Variants in FERRY3 observed in about 807,000 individuals in gnomAD.
The protein encoded by FERRY3 is FERRY endosomal RAB5 effector complex subunit 3.
chr12:4,506,798 A>G, the FERRY3 span, among the ~76,000 whole-genome samples: 2 of 152,304 alleles, frequency 1.3e-5, no homozygotes, highest in East Asian at 3.9e-4. Flanking sequence ...AGATGTTAAT[A>G]TAACAACCAT....
At chr12:4,529,410 C>T in the FERRY3 span, among the ~76,000 whole-genome samples, 1 of 152,132 alleles carries the variant, frequency 6.6e-6, no homozygotes, top group Non-Finnish European at 1.5e-5. Flanking sequence ...CAGAATGGTA[C>T]AGTGGTTAAC....
At chr12:4,514,361 A>G in the FERRY3 span, among the ~76,000 whole-genome samples, 8 of 151,964 alleles carry the variant, frequency 5.3e-5, no homozygotes, top group Non-Finnish European at 1.0e-4. Context: ...TCTAGAACTT[A>G]GAAATACCAT....
the FERRY3 span, chr12:4,518,269 A>T: frequency 6.2e-7 from 1 of 1,611,580 alleles, no homozygotes; most frequent in Non-Finnish European, 8.5e-7. Context: ...GGGGTAGGCA[A>T]TAGTCCAGGA....
chr12:4,519,153 A>G, the FERRY3 span, among the ~76,000 whole-genome samples: 1 of 152,222 alleles, frequency 6.6e-6, no homozygotes, highest in African/African-American at 2.4e-5. The surrounding 1 kb of genome is among the most constrained non-coding windows in gnomAD (Gnocchi z 4.3). Context: ...CACTTTTAGC[A>G]GCCTAAGAGA....
At chr12:4,507,378 T>C in the FERRY3 span, among the ~76,000 whole-genome samples, 5 of 152,190 alleles carry the variant, frequency 3.3e-5, no homozygotes, top group African/African-American at 1.2e-4. Flanking sequence ...AGGGATTTTC[T>C]AATACTCAGC....
At chr12:4,528,896 T>TAC in the FERRY3 span, among the ~76,000 whole-genome samples, 11,889 of 131,360 alleles carry the variant, frequency 0.091, 481 homozygotes, top group African/African-American at 0.16. Context: ...TTAAATCAGT[T>TAC]ACACACACAC....
the FERRY3 span, chr12:4,536,075 G>A: frequency 1.2e-6 from 2 of 1,608,624 alleles, no homozygotes; most frequent in Admixed American, 1.7e-5. Flanking sequence ...GCAAATGACT[G>A]GCATTCTCTT....
the FERRY3 span, chr12:4,525,231 T>C: frequency 6.2e-7 from 1 of 1,608,142 alleles, no homozygotes. Context: ...ACTATATGAA[T>C]AAGAACAATA....
the FERRY3 span, chr12:4,535,966 A>T: frequency 7.3e-7 from 1 of 1,377,898 alleles, no homozygotes; most frequent in South Asian, 1.7e-5. This position sits in a 1 kb window ranked among gnomAD's most constrained non-coding sequence, Gnocchi z 4.0. Flanking sequence ...CCAATGACAG[A>T]CTATTGAAAC....
the FERRY3 span, among the ~76,000 whole-genome samples, chr12:4,504,057 G>A: frequency 1.3e-5 from 2 of 152,218 alleles, no homozygotes; most frequent in African/African-American, 4.8e-5. Flanking sequence ...AGCATGTGGT[G>A]ATGCTAACAT....
At chr12:4,530,055 A>G in the FERRY3 span, 2 of 1,605,312 alleles carry the variant, frequency 1.2e-6, no homozygotes, top group Non-Finnish European at 8.5e-7. Context: ...CGTGGTCTAC[A>G]AGATAATATA....
At chr12:4,519,547 T>A in the FERRY3 span, among the ~76,000 whole-genome samples, 1 of 152,212 alleles carries the variant, frequency 6.6e-6, no homozygotes, top group Non-Finnish European at 1.5e-5. This position sits in a 1 kb window ranked among gnomAD's most constrained non-coding sequence, Gnocchi z 4.3. Flanking sequence ...TCCATTTCCC[T>A]GACTAAATTT....
chr12:4,501,978 T>C, the FERRY3 span, among the ~76,000 whole-genome samples: 1 of 152,186 alleles, frequency 6.6e-6, no homozygotes, highest in Non-Finnish European at 1.5e-5. Flanking sequence ...CAGTTACATA[T>C]GCTTTTGTTT....
the FERRY3 span, chr12:4,502,348 T>C: frequency 2.3e-6 from 1 of 436,764 alleles, no homozygotes; most frequent in South Asian, 1.6e-5. This position sits in a 1 kb window ranked among gnomAD's most constrained non-coding sequence, Gnocchi z 4.2. Flanking sequence ...ATTTGTTGAA[T>C]GAATGAGTAT....
chr12:4,528,207 C>A, the FERRY3 span, among the ~76,000 whole-genome samples: 1 of 151,884 alleles, frequency 6.6e-6, no homozygotes, highest in South Asian at 2.1e-4. Flanking sequence ...GAAAACCTGA[C>A]GGCTAATAAC....
At chr12:4,491,276 C>T in the FERRY3 span, 1 of 1,541,568 alleles carries the variant, frequency 6.5e-7, no homozygotes, top group Non-Finnish European at 9.0e-7. Flanking sequence ...TTTGATAGAA[C>T]TTTGTATAAA....
the FERRY3 span, among the ~76,000 whole-genome samples, chr12:4,514,319 C>T: frequency 0.02 from 2,883 of 147,508 alleles, 99 homozygotes; most frequent in African/African-American, 0.073. Context: ...AGTTCAACCA[C>T]TGTGGAAGTC....
the FERRY3 span, chr12:4,536,358 C>T: frequency 2.4e-6 from 1 of 423,576 alleles, no homozygotes; most frequent in Non-Finnish European, 4.0e-6. Flanking sequence ...AGTGTTTATC[C>T]CTGTACTTCC....
At chr12:4,490,495 G>T in the FERRY3 span, 1 of 1,521,660 alleles carries the variant, frequency 6.6e-7, no homozygotes, top group Non-Finnish European at 8.9e-7. Context: ...AGATTAAATT[G>T]GGGTGAGATC....
Sources: allele counts gnomAD v4.1 joint callset (sites outside exome capture counted in the v4.1 genomes callset), GRCh38; gene constraint gnomAD v4.1.1; non-coding constraint Gnocchi (gnomAD v3.1); transcripts MANE v1.5; gene names NCBI Gene and HGNC (gene_info 2026-07-23, HGNC 2026-07-21).